The following RHOT1 variants were observed in gnomAD, a reference collection of about 807,000 sequenced individuals.
The protein encoded by RHOT1 is mitochondrial Rho GTPase 1.
A neutral mutation model predicts 95.3 loss-of-function variants in RHOT1; 27 were observed. That is an observed-to-expected ratio of 0.28 (90% confidence interval 0.21 to 0.39). The LOEUF (loss-of-function observed/expected upper bound fraction) is 0.39, where lower values mean the gene tolerates loss of function less well. Ranked by LOEUF, RHOT1 falls within the 10% of genes least tolerant of loss-of-function variation. The pLI, the probability that RHOT1 is intolerant of heterozygous loss-of-function variation, is 1.00. For missense variants in RHOT1, 578 were observed against 786.7 expected, an observed-to-expected ratio of 0.73 and a Z score of 3.17; for synonymous variants, 227 against 263.5, an observed-to-expected ratio of 0.86 and a Z score of 1.34.
chr17:32,186,155 A>G lies in RHOT1; in HGVS notation c.540+2883A>G, dbSNP rs572570079. On this transcript the variant is annotated intron_variant, in intron 8 of 19. Transcript: ENST00000545287. ...CATTTTACATTCCCACCAGCAGTGT[A>G]TGAAGGTTCCAGTTCCTCCACATCT... Among the ~76,000 whole-genome samples, 388 of 152,318 alleles carry G rather than the reference A, an allele frequency of 2.5e-3. 4 individuals are homozygous for G. The highest frequency in any genetic ancestry group is 8.8e-3 in the African/African-American group (365 of 41,588).
chr17:32,209,356 T>A (rs2037973212), intron 18 of RHOT1: 1 of 1,594,762 alleles, frequency 6.3e-7, no homozygotes, highest in Non-Finnish European at 8.6e-7. Context: ...ACAGAGAGGA[T>A]CATTACAGAG....
At chr17:32,198,334 A>G (rs1473696303) in intron 11 of RHOT1, among the ~76,000 whole-genome samples, 2 of 152,246 alleles carry the variant, frequency 1.3e-5, no homozygotes, top group African/African-American at 4.8e-5. Context: ...AGTATGACTT[A>G]AAATTTGTAG....
intron 1 of RHOT1, among the ~76,000 whole-genome samples, chr17:32,152,929 G>A (rs923705425): frequency 2.6e-5 from 4 of 151,582 alleles, no homozygotes; most frequent in African/African-American, 4.9e-5. Flanking sequence ...TCAACCTTCC[G>A]AATACCTGCA....
intron 11 of RHOT1, among the ~76,000 whole-genome samples, chr17:32,194,346 G>A (rs1332467246): frequency 6.6e-6 from 1 of 152,200 alleles, no homozygotes; most frequent in Non-Finnish European, 1.5e-5. Context: ...TGGGCTTCAA[G>A]CTAATTGGGA....
intron 1 of RHOT1, among the ~76,000 whole-genome samples, chr17:32,164,442 C>T (rs2142471014): frequency 6.6e-6 from 1 of 151,898 alleles, no homozygotes; most frequent in Non-Finnish European, 1.5e-5. Flanking sequence ...CCATGTTGAC[C>T]AGGATGGTCT....
intron 2 of RHOT1, among the ~76,000 whole-genome samples, 192 bp downstream of exon 2, chr17:32,171,293 C>T (rs2034556170): frequency 6.6e-6 from 1 of 152,120 alleles, no homozygotes; most frequent in Admixed American, 6.5e-5. Context: ...CCATCATAGC[C>T]CACTGCAACC....
intron 1 of RHOT1, among the ~76,000 whole-genome samples, chr17:32,165,031 C>A (rs963393556): frequency 6.6e-6 from 1 of 151,388 alleles, no homozygotes; most frequent in African/African-American, 2.4e-5. Flanking sequence ...AACAAAAAAA[C>A]AAAACAAAAC....
chr17:32,176,525 T>C (rs2035014450), intron 6 of RHOT1, among the ~76,000 whole-genome samples: 1 of 151,894 alleles, frequency 6.6e-6, no homozygotes, highest in Non-Finnish European at 1.5e-5. Flanking sequence ...CTCAAACTGC[T>C]GCTTGAAAAG....
At chr17:32,167,499 G>A (rs984723351) in intron 1 of RHOT1, among the ~76,000 whole-genome samples, 6 of 151,938 alleles carry the variant, frequency 3.9e-5, no homozygotes, top group Admixed American at 2.0e-4. Context: ...GTTAATTTTT[G>A]TATTTTTAGT....
At chr17:32,163,888 G>C (rs756831993) in intron 1 of RHOT1, among the ~76,000 whole-genome samples, 5 of 152,084 alleles carry the variant, frequency 3.3e-5, no homozygotes, top group Non-Finnish European at 7.4e-5. Flanking sequence ...CAGGCGTGGT[G>C]GCTCACCCCT....
chr17:32,190,092 T>A (rs1022463053), intron 8 of RHOT1, among the ~76,000 whole-genome samples: 1 of 152,124 alleles, frequency 6.6e-6, no homozygotes, highest in Non-Finnish European at 1.5e-5. Flanking sequence ...TTTCAGGTGG[T>A]TAGTTTTTAA....
chr17:32,149,615 A>ATGTGTGTGTGTGTG, intron 1 of RHOT1, among the ~76,000 whole-genome samples: 2 of 84,100 alleles, frequency 2.4e-5, no homozygotes, highest in African/African-American at 1.3e-4. Context: ...ATATATATAT[A>ATGTGTGTGTGTGTG]TATATATATA....
intron 1 of RHOT1, among the ~76,000 whole-genome samples, chr17:32,157,588 T>A (rs929627821): frequency 2.0e-5 from 3 of 151,964 alleles, no homozygotes; most frequent in Non-Finnish European, 4.4e-5. Flanking sequence ...GGGTGCATCA[T>A]GAGGTTAGGG....
chr17:32,147,600 C>G (rs1469462519), intron 1 of RHOT1, among the ~76,000 whole-genome samples: 1 of 151,754 alleles, frequency 6.6e-6, no homozygotes, highest in Non-Finnish European at 1.5e-5. Context: ...AGGTGGGTGG[C>G]TCAAAGGTCA....
intron 1 of RHOT1, chr17:32,151,507 G>T: frequency 1.7e-6 from 1 of 596,468 alleles, no homozygotes; most frequent in Non-Finnish European, 3.0e-6. Flanking sequence ...TGTTCATCAT[G>T]GTTTCTGAAA....
At position 32,146,427 on chromosome 17, in the gene RHOT1, GTATTAT is replaced by G. The variant is rs901548960; in HGVS notation, c.37+3712_37+3717del. On this transcript the variant is annotated intron_variant, in intron 1 of 19. Coordinates refer to ENST00000545287, the MANE Select transcript of RHOT1 (RefSeq NM_001033566.3). ...GTCATAAAAATTTGATCATTTTTCT[GTATTAT>G]TATTATTATTATTTTTATTTTATTT... 7.9e-5 allele frequency among the ~76,000 whole-genome samples: 12 copies of G among 151,540 alleles called. No homozygotes were observed. In the South Asian group the frequency reaches 1.5e-3, roughly 18 times the overall value.
At chr17:32,198,870 T>C in intron 11 of RHOT1, 77 bp from the exon 12 acceptor site, 1 of 934,090 alleles carries the variant, frequency 1.1e-6, no homozygotes, top group Non-Finnish European at 1.7e-6. Context: ...ACAAAAGACT[T>C]GTTGCAATTT....
At chr17:32,145,808 A>G (rs1186991022) in intron 1 of RHOT1, among the ~76,000 whole-genome samples, 2 of 152,088 alleles carry the variant, frequency 1.3e-5, no homozygotes, top group Non-Finnish European at 1.5e-5. Context: ...TGAGGTCAGG[A>G]GTTCGAGACC....
At chr17:32,171,226 T>TC (rs2034547204) in intron 2 of RHOT1, 125 bp downstream of exon 2, 4 of 631,796 alleles carry the variant, frequency 6.3e-6, no homozygotes, top group South Asian at 2.1e-5. Flanking sequence ...GACTTTTTTT[T>TC]CTCCCTTCTT....
Sources: allele counts gnomAD v4.1 joint callset (sites outside exome capture counted in the v4.1 genomes callset), GRCh38; gene constraint gnomAD v4.1.1; transcripts MANE v1.5; gene names NCBI Gene and HGNC (gene_info 2026-07-23, HGNC 2026-07-21).